The following ATG7 variants were observed in gnomAD, a reference collection of about 807,000 sequenced individuals.
ATG7 encodes ubiquitin-like modifier-activating enzyme ATG7.
ATG7 carries 70 observed loss-of-function variants against 82.4 expected under a neutral mutation model. The ratio of observed to expected loss-of-function variants is 0.85; its 90% confidence interval spans 0.70 to 1.04. The LOEUF (loss-of-function observed/expected upper bound fraction) is 1.04, where lower values mean the gene tolerates loss of function less well. Among genes scored for constraint, ATG7 ranks in the 50% least tolerant of loss-of-function variants. The pLI is 0.00. For missense variants in ATG7, 792 were observed against 864.3 expected, an observed-to-expected ratio of 0.92 and a Z score of 1.05; for synonymous variants, 287 against 313.0, an observed-to-expected ratio of 0.92 and a Z score of 0.88.
chr3:11,428,291 A>G (rs578081207), intron 20 of ATG7, among the ~76,000 whole-genome samples: 72 of 152,346 alleles, frequency 4.7e-4, no homozygotes, highest in South Asian at 1.4e-3. Flanking sequence ...TGGACCAGCC[A>G]GTGGTGAAAG....
intron 20 of ATG7, among the ~76,000 whole-genome samples, chr3:11,541,024 C>T (rs1336663528): frequency 1.3e-5 from 2 of 151,922 alleles, no homozygotes; most frequent in Non-Finnish European, 2.9e-5. Flanking sequence ...CTCAGCCTCC[C>T]AAGTAGCTGG....
At chr3:11,535,178 C>G (rs2092766886) in intron 20 of ATG7, among the ~76,000 whole-genome samples, 1 of 152,236 alleles carries the variant, frequency 6.6e-6, no homozygotes, top group Non-Finnish European at 1.5e-5. Context: ...TGGACCCGGG[C>G]CATGCCCTGC....
Position 11,331,320 on chromosome 3 carries a change from A to C in ATG7, c.679-20A>C. 6.4e-7 allele frequency: 1 copy of C among 1,570,982 alleles called. No homozygotes were observed. The highest frequency in any genetic ancestry group is 8.8e-7 in the Non-Finnish European group (1 of 1,141,232). ...CTGACATGATACTCGACTTACTCAG[A>C]AAGTCTTTTTTGTTCACAGATAACA... On this transcript the variant is annotated intron_variant, in intron 9 of 20. Coordinates refer to ENST00000693202, the MANE Select transcript of ATG7 (RefSeq NM_001349232.2).
At chr3:11,313,002 T>G (rs954785545) in intron 7 of ATG7, among the ~76,000 whole-genome samples, 1 of 152,200 alleles carries the variant, frequency 6.6e-6, no homozygotes, top group African/African-American at 2.4e-5. Context: ...GTTTTGTAGG[T>G]TAAAGGATGA....
At chr3:11,536,699 G>A (rs966304740) in intron 20 of ATG7, among the ~76,000 whole-genome samples, 1 of 152,034 alleles carries the variant, frequency 6.6e-6, no homozygotes, top group African/African-American at 2.4e-5. Context: ...CTGCTGCCCC[G>A]ACCCTGCGGC....
At chr3:11,407,591 A>G (rs2152907625) in intron 19 of ATG7, among the ~76,000 whole-genome samples, 1 of 152,330 alleles carries the variant, frequency 6.6e-6, no homozygotes, top group African/African-American at 2.4e-5. Flanking sequence ...CCCCTACAGC[A>G]AACTTCAGCC....
In ATG7 at chr3:11,439,069, C is replaced by CTTT. The variant is rs67206280; in HGVS notation, c.2079+12158_2079+12160dup. Among the ~76,000 whole-genome samples, 56 of 121,952 alleles carry CTTT rather than the reference C, an allele frequency of 4.6e-4. 2 individuals are homozygous for CTTT. The highest frequency in any genetic ancestry group is 5.6e-4 in the African/African-American group (18 of 31,952). The allele number at this position is 121,952 out of a possible 152,430, so 80.0% of individuals were successfully genotyped here. On this transcript the variant is annotated intron_variant, in intron 20 of 20. Transcript: ENST00000693202. ...TATTTTCTTTTTCTTTTCTTTCTTTCTTTTTTTTTTTTTTTTTGAGACAGA... is the reference window on the plus strand; with the variant it reads ...TATTTTCTTTTTCTTTTCTTTCTTTCTTTTTTTTTTTTTTTTTTTTGAGACAGA...
intron 20 of ATG7, among the ~76,000 whole-genome samples, chr3:11,546,543 C>T (rs767268054): frequency 6.6e-6 from 1 of 152,168 alleles, no homozygotes; most frequent in African/African-American, 2.4e-5. Context: ...GTGCCATTCC[C>T]AAGGTAATTA....
intron 5 of ATG7, among the ~76,000 whole-genome samples, chr3:11,303,315 T>G (rs1947086840): frequency 6.6e-6 from 1 of 152,174 alleles, no homozygotes; most frequent in Non-Finnish European, 1.5e-5. Context: ...CTGTTTCTGT[T>G]GACAAGGAGG....
chr3:11,510,948 A>G (rs567623538), intron 20 of ATG7, among the ~76,000 whole-genome samples: 1 of 152,148 alleles, frequency 6.6e-6, no homozygotes, highest in South Asian at 2.1e-4. Context: ...GGTGAGTGTT[A>G]CAGCTCTTAA....
At chr3:11,280,244 C>T (rs1187815598) in intron 1 of ATG7, among the ~76,000 whole-genome samples, 6 of 152,098 alleles carry the variant, frequency 3.9e-5, no homozygotes, top group Admixed American at 2.0e-4. Context: ...GACGGGATTT[C>T]GCCATGTTGG....
At chr3:11,494,705 T>A (rs1322062642) in intron 20 of ATG7, among the ~76,000 whole-genome samples, 1 of 152,174 alleles carries the variant, frequency 6.6e-6, no homozygotes, top group African/African-American at 2.4e-5. Context: ...TTATGGAGGT[T>A]GTGTCAGATA....
At chr3:11,287,059 C>T in intron 3 of ATG7, among the ~76,000 whole-genome samples, 1 of 152,128 alleles carries the variant, frequency 6.6e-6, no homozygotes, top group East Asian at 1.9e-4. Flanking sequence ...AGCCACTGTG[C>T]CTGGCTGATA....
Position 11,415,313 on chromosome 3 carries a change from G to A in ATG7, c.1957-11491G>A, listed in dbSNP as rs577943477. ...TGAGTCAGTAGTGAGTGACTGTGAAGGTCTAGGACATTTTGTACACCACTG... is the reference window on the plus strand; with the variant it reads ...TGAGTCAGTAGTGAGTGACTGTGAAAGTCTAGGACATTTTGTACACCACTG... On this transcript the variant is annotated intron_variant, in intron 19 of 20. Transcript: ENST00000693202. Among the ~76,000 whole-genome samples, 162 of 152,152 alleles carry A rather than the reference G, an allele frequency of 1.1e-3. 1 individual carries two copies. Among genetic ancestry groups the A allele is most frequent in the African/African-American group, 3.7e-3 (152 of 41,508 alleles).
At chr3:11,329,751 G>A (rs1951379283) in intron 9 of ATG7, among the ~76,000 whole-genome samples, 1 of 152,094 alleles carries the variant, frequency 6.6e-6, no homozygotes, top group African/African-American at 2.4e-5. Flanking sequence ...TTCTAATGTT[G>A]TCACATTATA....
chr3:11,288,047 G>C (rs1185678304), intron 3 of ATG7, among the ~76,000 whole-genome samples: 2 of 152,152 alleles, frequency 1.3e-5, no homozygotes, highest in Non-Finnish European at 2.9e-5. Flanking sequence ...ATACACAGCA[G>C]ACTGTTTGAG....
chr3:11,425,507 T>C (rs2082289615), intron 19 of ATG7, among the ~76,000 whole-genome samples: 1 of 152,254 alleles, frequency 6.6e-6, no homozygotes, highest in African/African-American at 2.4e-5. Flanking sequence ...TTATTTCTTG[T>C]GAGTTCCCAG....
intron 19 of ATG7, among the ~76,000 whole-genome samples, chr3:11,382,023 T>C (rs1488089393): frequency 6.6e-6 from 1 of 152,234 alleles, no homozygotes; most frequent in Non-Finnish European, 1.5e-5. Context: ...AGTCATGTCA[T>C]AGTTGTTGTT....
intron 19 of ATG7, among the ~76,000 whole-genome samples, chr3:11,423,450 C>T (rs574372212): frequency 2.6e-5 from 4 of 152,258 alleles, no homozygotes; most frequent in East Asian, 3.9e-4. Flanking sequence ...TTGCTCAATG[C>T]GGGGTTGCCA....
Sources: allele counts gnomAD v4.1 joint callset (sites outside exome capture counted in the v4.1 genomes callset), GRCh38; gene constraint gnomAD v4.1.1; transcripts MANE v1.5; gene names NCBI Gene and HGNC (gene_info 2026-07-23, HGNC 2026-07-21).